Variants in PTPRD observed in about 807,000 individuals in gnomAD.
The protein encoded by PTPRD is receptor-type tyrosine-protein phosphatase delta.
A neutral mutation model predicts 214.5 loss-of-function variants in PTPRD; 34 were observed. That is an observed-to-expected ratio of 0.16 (90% CI 0.12 to 0.21). The LOEUF (loss-of-function observed/expected upper bound fraction) is 0.21, where lower values mean the gene tolerates loss of function less well. Among genes scored for constraint, PTPRD ranks in the 10% least tolerant of loss-of-function variants. The pLI, the probability that PTPRD is intolerant of heterozygous loss-of-function variation, is 1.00. For synonymous variants in PTPRD, 1,128 were observed against 845.7 expected, an observed-to-expected ratio of 1.33 and a Z score of -5.79; for missense variants, 2,545 against 2,398.7, an observed-to-expected ratio of 1.06 and a Z score of -1.27.
intron 2 of PTPRD, among the ~76,000 whole-genome samples, chr9:10,474,745 C>G (rs2099052016): frequency 6.6e-6 from 1 of 152,100 alleles, no homozygotes; most frequent in Non-Finnish European, 1.5e-5. Context: ...TAAAACACTA[C>G]TCAGCAAATA....
At chr9:9,715,048 G>A (rs950528188) in intron 7 of PTPRD, among the ~76,000 whole-genome samples, 6 of 152,154 alleles carry the variant, frequency 3.9e-5, no homozygotes, top group South Asian at 2.1e-4. Context: ...ATTTAGCTGT[G>A]GTTTCGTAGA....
chr9:9,650,738 A>T (rs563840336), intron 7 of PTPRD, among the ~76,000 whole-genome samples: 2 of 152,242 alleles, frequency 1.3e-5, no homozygotes, highest in East Asian at 1.9e-4. Context: ...ACACAAGTTT[A>T]TCTATGTAAC....
At chr9:8,894,531 A>G (rs1220549154) in intron 11 of PTPRD, among the ~76,000 whole-genome samples, 1 of 152,114 alleles carries the variant, frequency 6.6e-6, no homozygotes, top group East Asian at 1.9e-4. Flanking sequence ...GGGGGTGCTT[A>G]GAAACTGTAA....
chr9:9,448,705 A>G (rs1210830317), intron 8 of PTPRD, among the ~76,000 whole-genome samples: 1 of 152,082 alleles, frequency 6.6e-6, no homozygotes, highest in Non-Finnish European at 1.5e-5. Flanking sequence ...CATGGGCATG[A>G]TATTTAATGG....
intron 27 of PTPRD, among the ~76,000 whole-genome samples, chr9:8,490,052 A>AT (rs1182404874): frequency 6.6e-6 from 1 of 152,154 alleles, no homozygotes; most frequent in Non-Finnish European, 1.5e-5. Context: ...GACTACTTTT[A>AT]TAAGTCATGC....
intron 36 of PTPRD, among the ~76,000 whole-genome samples, chr9:8,400,540 T>A (rs2092208915): frequency 6.6e-6 from 1 of 152,176 alleles, no homozygotes; most frequent in Admixed American, 6.5e-5. Flanking sequence ...ATAAGGCTAA[T>A]GCCAAAAGAT....
chr9:9,963,879 T>C (rs10491908), intron 4 of PTPRD, among the ~76,000 whole-genome samples: 19,206 of 152,208 alleles, frequency 0.13, 1,297 homozygotes, highest in Middle Eastern at 0.17. Context: ...TCACAAACGT[T>C]TTAAGTCCAA....
At chr9:8,665,319 C>G (rs1039797764) in intron 12 of PTPRD, among the ~76,000 whole-genome samples, 2 of 152,206 alleles carry the variant, frequency 1.3e-5, no homozygotes, top group African/African-American at 4.8e-5. Flanking sequence ...CCCTTCCCCT[C>G]TGTAGACTTG....
intron 9 of PTPRD, among the ~76,000 whole-genome samples, chr9:9,360,221 A>G (rs2055532439): frequency 6.6e-6 from 1 of 150,776 alleles, no homozygotes; most frequent in South Asian, 2.1e-4. Context: ...GAAAAAGACT[A>G]TTTCCTGTAG....
At chr9:8,643,486 G>A (rs2096621171) in intron 12 of PTPRD, among the ~76,000 whole-genome samples, 1 of 152,186 alleles carries the variant, frequency 6.6e-6, no homozygotes, top group Admixed American at 6.5e-5. Flanking sequence ...CATGATGGCA[G>A]CAGCAGCAGG....
At chr9:10,395,851 T>A (rs2098158623) in intron 2 of PTPRD, among the ~76,000 whole-genome samples, 1 of 151,592 alleles carries the variant, frequency 6.6e-6, no homozygotes, top group South Asian at 2.1e-4. Flanking sequence ...TCCAGGAGAA[T>A]AAATGAATTG....
chr9:10,547,498 T>C (rs2060409070), intron 2 of PTPRD, among the ~76,000 whole-genome samples: 1 of 152,060 alleles, frequency 6.6e-6, no homozygotes, highest in Non-Finnish European at 1.5e-5. Flanking sequence ...AACATGTGTT[T>C]AGAGCAACTT....
intron 7 of PTPRD, among the ~76,000 whole-genome samples, chr9:9,632,752 T>C (rs1167290085): frequency 6.6e-6 from 1 of 152,002 alleles, no homozygotes; most frequent in Non-Finnish European, 1.5e-5. Flanking sequence ...AACTATAAAA[T>C]AAATGGGACA....
intron 8 of PTPRD, among the ~76,000 whole-genome samples, chr9:9,406,897 T>G (rs10739190): frequency 0.87 from 130,510 of 149,752 alleles, 57,038 homozygotes; most frequent in African/African-American, 0.9. Context: ...CATTTTTTTC[T>G]GATTCTTGTC....
chr9:9,542,475 T>G (rs1307584130), intron 8 of PTPRD, among the ~76,000 whole-genome samples: 1 of 151,568 alleles, frequency 6.6e-6, no homozygotes, highest in East Asian at 1.9e-4. Flanking sequence ...TTCATCAAAA[T>G]TAACAATGCC....
chr9:8,382,263 G>A (rs1404599916), intron 37 of PTPRD, among the ~76,000 whole-genome samples: 2 of 152,130 alleles, frequency 1.3e-5, no homozygotes, highest in Non-Finnish European at 2.9e-5. Context: ...AAAGAACAGA[G>A]AAAAACCAAA....
At chr9:10,094,035 A>G (rs2098459139) in intron 3 of PTPRD, among the ~76,000 whole-genome samples, 1 of 151,342 alleles carries the variant, frequency 6.6e-6, no homozygotes, top group African/African-American at 2.4e-5. Context: ...AAACCTCAGC[A>G]TCATGCAATA....
chr9:10,393,642 T>C (rs1221631514), intron 2 of PTPRD, among the ~76,000 whole-genome samples: 11 of 148,584 alleles, frequency 7.4e-5, no homozygotes. Context: ...CAAGTATATA[T>C]ATATATTAGA....
chr9:8,979,138 C>T (rs1215276051), intron 11 of PTPRD, among the ~76,000 whole-genome samples: 2 of 152,066 alleles, frequency 1.3e-5, no homozygotes, highest in African/African-American at 4.8e-5. Context: ...ACCAGGCAAG[C>T]CTGAAGTTGT....
Sources: gnomAD v4.1 joint callset for allele counts (sites outside exome capture counted in the v4.1 genomes callset) on GRCh38, gnomAD v4.1.1 for gene constraint, MANE v1.5 for transcripts, NCBI Gene and HGNC (gene_info 2026-07-23, HGNC 2026-07-21) for gene names.